NAA15: variants seen among roughly 807,000 people sequenced by gnomAD.
NAA15 encodes N-alpha-acetyltransferase 15, NatA auxiliary subunit, also known as N-terminal acetyltransferase.
In NAA15, 34 loss-of-function variants were observed where a neutral mutation model predicts 114.0. The observed-to-expected ratio is 0.30, with a 90% CI of 0.23 to 0.40. NAA15 has a LOEUF of 0.40. Ranked by LOEUF, NAA15 falls within the 10% of genes least tolerant of loss-of-function variation. The pLI, the probability that NAA15 is intolerant of heterozygous loss-of-function variation, is 1.00. For synonymous variants in NAA15, 340 were observed against 338.0 expected (o/e 1.01, Z -0.06); for missense variants, 658 against 1,004.5 (o/e 0.66, Z 4.66).
At chr4:139,381,392 A>G (rs140986497) in intron 17 of NAA15, among the ~76,000 whole-genome samples, 2,306 of 152,118 alleles carry the variant, frequency 0.015, 32 homozygotes, top group Middle Eastern at 0.044. Flanking sequence ...AATTAGCACT[A>G]TTTGGCTGCC....
At chr4:139,320,357 C>G (rs76134920) in intron 1 of NAA15, among the ~76,000 whole-genome samples, 1 of 152,096 alleles carries the variant, frequency 6.6e-6, no homozygotes, top group Non-Finnish European at 1.5e-5. Flanking sequence ...AACGGAGTAT[C>G]TGTTAGTTCG....
In NAA15 at chr4:139,388,213, GT is replaced by G; in HGVS notation, c.*133del. 1.5e-6 allele frequency: 1 copy of G among 677,034 alleles called. No individual in the cohort carries two copies. Among genetic ancestry groups the G allele is most frequent in the Non-Finnish European group, 2.4e-6 (1 of 417,356 alleles). 41.9% of individuals were successfully genotyped at this position (677,034 alleles called of 1,614,324 possible). ...GTAAATGTTCTTGCCTTCAAATAGT[GT>G]TTTACGTTTTTTATCCTGCTGAAAA... On this transcript the variant is annotated 3_prime_UTR_variant, in exon 20 of 20. Coordinates refer to ENST00000296543, the MANE Select transcript of NAA15 (RefSeq NM_057175.5).
At chr4:139,347,906 C>A in intron 6 of NAA15, among the ~76,000 whole-genome samples, 1 of 151,292 alleles carries the variant, frequency 6.6e-6, no homozygotes, top group Non-Finnish European at 1.5e-5. Context: ...GTGGCGGGCG[C>A]CTGTAGTCCC....
At chr4:139,333,154 GTT>G (rs35845314) in intron 1 of NAA15, among the ~76,000 whole-genome samples, 1 of 149,698 alleles carries the variant, frequency 6.7e-6, no homozygotes, top group Admixed American at 6.6e-5. Context: ...TATAGATGCA[GTT>G]TTTTTTTTTC....
chr4:139,337,385 C>G (rs1042340361), intron 3 of NAA15, among the ~76,000 whole-genome samples: 1 of 152,140 alleles, frequency 6.6e-6, no homozygotes, highest in Non-Finnish European at 1.5e-5. Context: ...GGAGTATAGG[C>G]TTAGAGTGTG....
At chr4:139,354,249 ATTG>A in intron 10 of NAA15, 151 bp downstream of exon 10, 1 of 626,392 alleles carries the variant, frequency 1.6e-6, no homozygotes, top group Non-Finnish European at 2.8e-6. Flanking sequence ...TAATTTGCAC[ATTG>A]TGTGATGATA....
At chr4:139,316,750 G>A (rs1746422365) in intron 1 of NAA15, among the ~76,000 whole-genome samples, 1 of 151,716 alleles carries the variant, frequency 6.6e-6, no homozygotes, top group Non-Finnish European at 1.5e-5. Flanking sequence ...TTTTGGTGAT[G>A]GGGTTAGGGT....
chr4:139,302,948 CTT>C (rs1745859050), intron 1 of NAA15, among the ~76,000 whole-genome samples: 1 of 152,172 alleles, frequency 6.6e-6, no homozygotes, highest in Non-Finnish European at 1.5e-5. Context: ...AAATTTAAGA[CTT>C]TTAAAATTTG....
chr4:139,380,260 G>A (rs556582988), intron 17 of NAA15, among the ~76,000 whole-genome samples: 9 of 76,826 alleles, frequency 1.2e-4, no homozygotes, highest in East Asian at 9.3e-4. Flanking sequence ...AGTTTTTTTG[G>A]GGGGGGGGAG....
chr4:139,384,050 G>A (rs1358103379), intron 17 of NAA15, among the ~76,000 whole-genome samples: 4 of 152,184 alleles, frequency 2.6e-5, no homozygotes, highest in Non-Finnish European at 4.4e-5. Flanking sequence ...AGCTCTAGGG[G>A]TTTAGAAGGC....
At chr4:139,322,496 G>C (rs185023190) in intron 1 of NAA15, among the ~76,000 whole-genome samples, 5 of 152,188 alleles carry the variant, frequency 3.3e-5, no homozygotes, top group Admixed American at 2.0e-4. Flanking sequence ...TAAGGTGTGA[G>C]CTTTCTGGAT....
At chr4:139,378,186 G>C (rs1041224527) in intron 16 of NAA15, among the ~76,000 whole-genome samples, 15 of 152,316 alleles carry the variant, frequency 9.8e-5, no homozygotes, top group Admixed American at 5.9e-4. Flanking sequence ...GAGTATTCAA[G>C]TGCAAATTTC....
At position 139,388,718 on chromosome 4, in the gene NAA15, G is replaced by T. The variant is rs1431787586; in HGVS notation, c.*634G>T. ...TGTGTTTCCAAAATTCACTGTACAT[G>T]ATCAGTTTGGTGTTCTTGTACCACA... is the stretch of plus-strand genomic sequence containing the variant. On this transcript the variant is annotated 3_prime_UTR_variant, in exon 20 of 20. Transcript: ENST00000296543. 2.0e-5 allele frequency: 3 copies of T among 152,564 alleles called. No individual in the cohort carries two copies. In the East Asian group the frequency reaches 5.8e-4, roughly 29 times the overall value. The allele number at this position is 152,564 out of a possible 1,614,324, so 9.5% of individuals were successfully genotyped here. A position where few individuals can be genotyped will look rare whatever the true frequency, so the allele number is the denominator to read the frequency against.
chr4:139,346,758 C>T lies in NAA15; in HGVS notation c.691+2419C>T, dbSNP rs904158119. 2.6e-5 allele frequency among the ~76,000 whole-genome samples: 4 copies of T among 152,068 alleles called. No individual in the cohort carries two copies. In the South Asian group the frequency reaches 8.3e-4, roughly 32 times the overall value. ...ATAGGCTTTCTCCATATTGGTCAGGCTGGTCTTGATCTTCTGACCCCCAAA... is the reference window on the plus strand; with the variant it reads ...ATAGGCTTTCTCCATATTGGTCAGGTTGGTCTTGATCTTCTGACCCCCAAA... On this transcript the variant is annotated intron_variant, in intron 6 of 19. Coordinates refer to ENST00000296543, the MANE Select transcript of NAA15 (RefSeq NM_057175.5).
rs576508302 is a variant in NAA15 at position 139,388,695 on chromosome 4, T to C, written c.*611T>C. 6.5e-6 allele frequency: 1 copy of C among 152,752 alleles called. No individual in the cohort carries two copies. Among genetic ancestry groups the C allele is most frequent in the East Asian group, 1.9e-4 (1 of 5,198 alleles). 9.5% of individuals were successfully genotyped at this position (152,752 alleles called of 1,614,324 possible). On this transcript the variant is annotated 3_prime_UTR_variant, in exon 20 of 20. Coordinates refer to ENST00000296543, the MANE Select transcript of NAA15 (RefSeq NM_057175.5). ...ACCTATAAGGTGTTCAATACGCTTGTGTTTCCAAAATTCACTGTACATGAT... is the reference window on the plus strand; with the variant it reads ...ACCTATAAGGTGTTCAATACGCTTGCGTTTCCAAAATTCACTGTACATGAT...
chr4:139,340,787 C>G, intron 3 of NAA15, 125 bp from the exon 4 acceptor site: 1 of 657,546 alleles, frequency 1.5e-6, no homozygotes, highest in East Asian at 3.0e-5. Context: ...CAATCTCCCC[C>G]TCCCCTTCCC....
chr4:139,359,623 A>T, intron 11 of NAA15, 120 bp from the exon 12 acceptor site: 1 of 863,616 alleles, frequency 1.2e-6, no homozygotes, highest in Non-Finnish European at 1.8e-6. Flanking sequence ...TTAGCATCTA[A>T]GAGTCACAAG....
chr4:139,339,760 AAACAAC>A lies in NAA15; in HGVS notation c.245-1137_245-1132del, dbSNP rs542388720. On this transcript the variant is annotated intron_variant, in intron 3 of 19. Transcript: ENST00000296543. ...GCGAGACTCCATCTCAAAAACAAAC[AAACAAC>A]AACAACAACAACAAAAAACAACAAA... Among the ~76,000 whole-genome samples, 5 of 151,994 alleles carry A rather than the reference AAACAAC, an allele frequency of 3.3e-5. No individual in the cohort carries two copies. The East Asian group carries it at 5.8e-4, about 18-fold the overall frequency.
intron 15 of NAA15, among the ~76,000 whole-genome samples, chr4:139,372,009 A>G (rs1290360198): frequency 2.0e-5 from 3 of 151,982 alleles, no homozygotes; most frequent in African/African-American, 4.8e-5. Context: ...TCCGCCTCCC[A>G]GGTTCACGCC....
Sources: allele counts gnomAD v4.1 joint callset (sites outside exome capture counted in the v4.1 genomes callset), GRCh38; gene constraint gnomAD v4.1.1; transcripts MANE v1.5; gene names NCBI Gene and HGNC (gene_info 2026-07-23, HGNC 2026-07-21).